Variants in UGT3A2 observed in about 807,000 individuals in gnomAD.
UGT3A2 encodes UDP-glycosyltransferase 3A2.
UGT3A2 carries 32 observed loss-of-function variants against 39.8 expected under a neutral mutation model. The ratio of observed to expected loss-of-function variants is 0.80; its 90% CI spans 0.61 to 1.08. UGT3A2 has a LOEUF of 1.08. Among genes scored for constraint, UGT3A2 ranks in the 50% least tolerant of loss-of-function variants. The pLI, the probability that UGT3A2 is intolerant of heterozygous loss-of-function variation, is 0.00. For missense variants in UGT3A2, 611 were observed against 637.1 expected, an observed-to-expected ratio of 0.96 and a Z score of 0.44; for synonymous variants, 241 against 230.7, an observed-to-expected ratio of 1.04 and a Z score of -0.40.
chr5:36,039,426 C>T, intron 5 of UGT3A2, 51 bp downstream of exon 5: 1 of 1,547,744 alleles, frequency 6.5e-7, no homozygotes, highest in Non-Finnish European at 8.9e-7. Context: ...CCGTGATGAG[C>T]CCCAAAGACA....
intron 2 of UGT3A2, among the ~76,000 whole-genome samples, chr5:36,058,676 G>A (rs1397357499): frequency 6.6e-6 from 1 of 152,200 alleles, no homozygotes; most frequent in Non-Finnish European, 1.5e-5. Flanking sequence ...GGTTGTGGAA[G>A]CTCAGCAGCT....
In UGT3A2 at chr5:36,051,633, C is replaced by T. The variant is rs569400522; in HGVS notation, c.311+237G>A. Among the ~76,000 whole-genome samples, 14 of 152,236 alleles carry T rather than the reference C, an allele frequency of 9.2e-5. 1 individual carries two copies. In the South Asian group the frequency reaches 2.5e-3, roughly 27 times the overall value. On this transcript the variant is annotated intron_variant, in intron 3 of 6. Coordinates refer to ENST00000282507, the MANE Select transcript of UGT3A2 (RefSeq NM_174914.4). ...TCATGCTCATAGTGTGTAAGAAAGA[C>T]GGTATAAGGAAGAATTTCCAGGGAC... is the stretch of plus-strand genomic sequence containing the variant.
intron 4 of UGT3A2, 118 bp from the exon 5 acceptor site, chr5:36,039,826 CTAT>C (rs1741951548): frequency 3.9e-6 from 3 of 763,404 alleles, no homozygotes; most frequent in Non-Finnish European, 2.2e-6. Flanking sequence ...TGTCCCAAAG[CTAT>C]TATTATAGCT....
In UGT3A2 at chr5:36,066,783, C is replaced by T. The variant is rs199849202; in HGVS notation, c.7G>A (p.Gly3Arg). 2 of 1,614,202 alleles carry T rather than the reference C, an allele frequency of 1.2e-6. No homozygotes were observed. The highest frequency in any genetic ancestry group is 1.7e-6 in the Non-Finnish European group (2 of 1,180,030). ...CCCACTAGAAGAAGCACTCGCTGCC[C>T]AGCCATGCTCACTTCTACGGAAGCC... is the stretch of plus-strand genomic sequence containing the variant. MA[G>R]QRVLLLVGFL... Residue 3 changes from glycine (G) to arginine (R), a missense_variant, in exon 1 of 7, where the codon GGG (glycine) becomes AGG (arginine). Transcript: ENST00000282507.
At chr5:36,038,079 G>A (rs1000619323) in intron 5 of UGT3A2, 63 bp from the exon 6 acceptor site, 4 of 1,506,134 alleles carry the variant, frequency 2.7e-6, no homozygotes, top group Non-Finnish European at 3.6e-6. Context: ...ATCAGGCAGA[G>A]ATGAAGGGGA....
intron 4 of UGT3A2, among the ~76,000 whole-genome samples, chr5:36,045,482 G>A (rs1391516846): frequency 2.2e-4 from 33 of 151,520 alleles, no homozygotes; most frequent in African/African-American, 7.8e-4. Context: ...AATCCCAGCT[G>A]CTCGGGAGGC....
intron 6 of UGT3A2, among the ~76,000 whole-genome samples, chr5:36,036,843 T>C (rs1022370214): frequency 6.6e-6 from 1 of 152,220 alleles, no homozygotes; most frequent in Non-Finnish European, 1.5e-5. Flanking sequence ...CTTGAAACTC[T>C]AATAAATTAT....
At chr5:36,064,179 C>A in intron 2 of UGT3A2, 70 bp downstream of exon 2, 1 of 1,382,174 alleles carries the variant, frequency 7.2e-7, no homozygotes, top group Non-Finnish European at 1.0e-6. Flanking sequence ...TTTTGCTAAG[C>A]CTTTCTATGC....
intron 4 of UGT3A2, among the ~76,000 whole-genome samples, chr5:36,045,843 C>A (rs1197899957): frequency 1.3e-5 from 2 of 151,756 alleles, no homozygotes; most frequent in Admixed American, 6.6e-5. Flanking sequence ...AGATAACCCA[C>A]GGAATGGGAA....
intron 1 of UGT3A2, among the ~76,000 whole-genome samples, chr5:36,065,429 G>T (rs937277831): frequency 2.0e-5 from 3 of 152,102 alleles, no homozygotes; most frequent in Non-Finnish European, 4.4e-5. Context: ...AGCTGTTAGC[G>T]GTGGATCTTG....
At position 36,048,966 on chromosome 5, in the gene UGT3A2, CA is replaced by C; in HGVS notation, c.765del (p.Phe255LeufsTer17). ...ELWFINSDFA[F>X]DFARPLLPNT... The stretch of plus-strand genomic sequence containing the variant: ...TTGGGAAGCAGAGGTCGAGCAAAAT[CA>C]AAGGCAAAGTCAGAGTTAATGAACC... On this transcript the variant is annotated frameshift_variant, in exon 4 of 7. Transcript: ENST00000282507. LOFTEE classifies it high-confidence loss of function. 1 of 1,614,160 alleles carries C rather than the reference CA, an allele frequency of 6.2e-7. No homozygotes were observed. The highest frequency in any genetic ancestry group is 8.5e-7 in the Non-Finnish European group (1 of 1,180,034).
At chr5:36,063,734 C>A (rs1313684575) in intron 2 of UGT3A2, among the ~76,000 whole-genome samples, 1 of 152,144 alleles carries the variant, frequency 6.6e-6, no homozygotes, top group African/African-American at 2.4e-5. Flanking sequence ...CCTCCTGGCT[C>A]AAGCGATCCT....
Position 36,035,741 on chromosome 5 carries a change from G to A in UGT3A2, c.1529C>T (p.Ala510Val), listed in dbSNP as rs1741798711. The A allele has an allele frequency of 1.9e-6, 3 of 1,614,162 alleles. No individual in the cohort carries two copies. Among genetic ancestry groups the A allele is most frequent in the Non-Finnish European group, 1.7e-6 (2 of 1,180,042 alleles). Residue 510 changes from alanine to valine, a missense_variant, in exon 7 of 7, where the codon GCT becomes GTT. Ala to Val is a moderately conservative substitution (Grantham distance 64). Transcript: ENST00000282507. ...LWLCGKLLGM[A>V]VWWLRGARKV... Reference sequence around the variant, plus strand: ...TCTGGCCCCACGCAGCCACCAGACAGCCATGCCCAGCAGCTTCCCACAAAG... The same window carrying A: ...TCTGGCCCCACGCAGCCACCAGACAACCATGCCCAGCAGCTTCCCACAAAG...
intron 1 of UGT3A2, among the ~76,000 whole-genome samples, chr5:36,065,788 G>T (rs1742860925): frequency 6.6e-6 from 1 of 152,030 alleles, no homozygotes; most frequent in Admixed American, 6.6e-5. Flanking sequence ...TCCTTCAATT[G>T]CCCTCTCAGG....
At chr5:36,037,423 A>G (rs560464107) in intron 6 of UGT3A2, among the ~76,000 whole-genome samples, 2 of 152,302 alleles carry the variant, frequency 1.3e-5, no homozygotes, top group East Asian at 3.9e-4. Context: ...CACCACAAAC[A>G]AAAAGCCAAG....
chr5:36,052,136 TGAGACA>T, intron 2 of UGT3A2, 152 bp from the exon 3 acceptor site: 2 of 599,918 alleles, frequency 3.3e-6, no homozygotes, highest in South Asian at 4.5e-5. Context: ...TATTTATTTT[TGAGACA>T]GAGTCTTGCT....
At chr5:36,050,838 G>C (rs1742320472) in intron 3 of UGT3A2, among the ~76,000 whole-genome samples, 1 of 148,392 alleles carries the variant, frequency 6.7e-6, no homozygotes, top group Non-Finnish European at 1.5e-5. Context: ...CTCCAGCCTG[G>C]GCAACAAGAG....
intron 2 of UGT3A2, among the ~76,000 whole-genome samples, chr5:36,054,981 C>T (rs572478403): frequency 5.2e-4 from 79 of 152,130 alleles, no homozygotes; most frequent in Non-Finnish European, 9.4e-4. Context: ...CTCCTCATAC[C>T]TTTTAGTCCA....
intron 4 of UGT3A2, among the ~76,000 whole-genome samples, chr5:36,046,188 G>A (rs1742161149): frequency 1.3e-5 from 2 of 152,176 alleles, no homozygotes; most frequent in African/African-American, 4.8e-5. Context: ...AACCACTATG[G>A]AAAGCAGTTT....
Sources: gnomAD v4.1 joint callset for allele counts (sites outside exome capture counted in the v4.1 genomes callset) on GRCh38, gnomAD v4.1.1 for gene constraint, MANE v1.5 for transcripts, NCBI Gene and HGNC (gene_info 2026-07-23, HGNC 2026-07-21) for gene names.